COL4A4: variants seen among roughly 807,000 people sequenced by gnomAD.
COL4A4 encodes collagen alpha-4(IV) chain.
Under a neutral mutation model 192.9 loss-of-function variants are expected in COL4A4, and 105 were observed. The ratio of observed to expected loss-of-function variants is 0.54; its 90% confidence interval spans 0.46 to 0.64. The LOEUF (loss-of-function observed/expected upper bound fraction) is 0.64, where lower values mean the gene tolerates loss of function less well. Among genes scored for constraint, COL4A4 ranks in the 30% least tolerant of loss-of-function variants. COL4A4 has a pLI of 0.00. For missense variants in COL4A4, 1,967 were observed against 2,169.3 expected (o/e 0.91, Z 1.85); for synonymous variants, 762 against 769.9 (o/e 0.99, Z 0.17).
At chr2:227,002,537 C>T (rs1961248724), downstream of COL4A4, among the ~76,000 whole-genome samples, 1 of 152,216 alleles carries the variant, frequency 6.6e-6, no homozygotes, top group South Asian at 2.1e-4. Flanking sequence ...CGCGCCATCA[C>T]TGTGCATAGA....
chr2:226,988,248 A>T, the COL4A4 span: 30 of 1,268,478 alleles, frequency 2.4e-5, no homozygotes, highest in Non-Finnish European at 3.1e-5. Flanking sequence ...TGGGAGTAGG[A>T]CTCATATCAG....
chr2:227,125,275 T>C (rs1365272165), intron 4 of COL4A4, among the ~76,000 whole-genome samples: 1 of 152,034 alleles, frequency 6.6e-6, no homozygotes, highest in Non-Finnish European at 1.5e-5. Flanking sequence ...TGGTGTGATC[T>C]CAGCTCACTG....
At chr2:226,974,221 C>T in the COL4A4 span, among the ~76,000 whole-genome samples, 1 of 99,302 alleles carries the variant, frequency 1.0e-5, no homozygotes, top group Non-Finnish European at 2.1e-5. Flanking sequence ...TGGGTGTTGC[C>T]CTTTTTTTAT....
intron 4 of COL4A4, among the ~76,000 whole-genome samples, chr2:227,130,948 C>G (rs1041536982): frequency 1.3e-5 from 2 of 152,118 alleles, no homozygotes; most frequent in Non-Finnish European, 2.9e-5. Context: ...CACTCACCCC[C>G]TCGCTAAGCC....
At chr2:226,985,635 G>A in the COL4A4 span, among the ~76,000 whole-genome samples, 2 of 152,244 alleles carry the variant, frequency 1.3e-5, no homozygotes, top group African/African-American at 2.4e-5. Context: ...GGAGTCACCC[G>A]GGAGCTCATT....
the COL4A4 span, among the ~76,000 whole-genome samples, chr2:226,976,658 T>C: frequency 4.6e-5 from 7 of 152,130 alleles, no homozygotes; most frequent in Non-Finnish European, 8.8e-5. Flanking sequence ...CACATCAGGC[T>C]ATTGTCTCAT....
At position 227,027,922 on chromosome 2, in the gene COL4A4, T is replaced by C; in HGVS notation, c.4061A>G (p.Lys1354Arg). The change falls in exon 42 of 48, where the codon AAA becomes AGA. Residue 1354 changes from lysine to arginine, a missense_variant. Coordinates refer to ENST00000396625, the MANE Select transcript of COL4A4 (RefSeq NM_000092.5). ...EKGLPGPPGR[K>R]GPTGLPGPRG... Reference sequence around the variant, plus strand: ...CTCACCCGGAAGACCAGTGGGCCCTTTTCTCCCTGGAGGTCCAGGTAAACC... The same window carrying C: ...CTCACCCGGAAGACCAGTGGGCCCTCTTCTCCCTGGAGGTCCAGGTAAACC... The C allele has an allele frequency of 6.2e-7, 1 of 1,613,644 alleles. No individual in the cohort carries two copies. Among genetic ancestry groups the C allele is most frequent in the Non-Finnish European group, 8.5e-7 (1 of 1,179,628 alleles).
chr2:227,047,579 C>T (rs149309573), intron 34 of COL4A4, 30 bp from the exon 35 acceptor site: 1 of 1,510,316 alleles, frequency 6.6e-7, no homozygotes. Flanking sequence ...TGTGACATTA[C>T]TTTAGACAAT....
At chr2:227,007,749 G>C (rs774113605) in intron 47 of COL4A4, among the ~76,000 whole-genome samples, 161 bp from the exon 48 acceptor site, 2 of 152,202 alleles carry the variant, frequency 1.3e-5, no homozygotes, top group Non-Finnish European at 2.9e-5. Flanking sequence ...ACTCAGCATG[G>C]TAAGTATGCA....
Position 227,021,825 on chromosome 2 carries a change from A to AAAAAT in COL4A4, c.4216+218_4216+222dup, listed in dbSNP as rs58851340. Among the ~76,000 whole-genome samples, 61,642 of 148,912 alleles carry AAAAAT rather than the reference A, an allele frequency of 0.41. 12,962 individuals carry two copies. Among genetic ancestry groups the AAAAAT allele is most frequent in the South Asian group, 0.54 (2,483 of 4,588 alleles). ...GGGCAACAGAGCAAGACTCCATCTC[A>AAAAAT]AAAATAAAATAAAATAAAATAAAAT... is the stretch of plus-strand genomic sequence containing the variant. On this transcript the variant is annotated intron_variant, in intron 44 of 47. Transcript: ENST00000396625.
rs187752868 is a variant in COL4A4, at chr2:227,003,503, A to T, written c.*3822T>A. 6.6e-6 allele frequency: 1 copy of T among 152,318 alleles called. No individual in the cohort carries two copies. Among genetic ancestry groups the T allele is most frequent in the East Asian group, 1.9e-4 (1 of 5,184 alleles). 9.4% of individuals were successfully genotyped at this position (152,318 alleles called of 1,614,324 possible). On this transcript the variant is annotated 3_prime_UTR_variant, in exon 48 of 48. Transcript: ENST00000396625. Reference sequence around the variant, plus strand: ...CTATTCTTGCAGCCATACCAAGTAAAAGTAACAATTATCAGATTATTCCAG... The same window carrying T: ...CTATTCTTGCAGCCATACCAAGTAATAGTAACAATTATCAGATTATTCCAG...
intron 44 of COL4A4, among the ~76,000 whole-genome samples, chr2:227,019,292 A>T (rs1483386827): frequency 6.6e-6 from 1 of 152,200 alleles, no homozygotes; most frequent in African/African-American, 2.4e-5. Context: ...ATCTTTAAGG[A>T]GTGCATTCAT....
intron 1 of COL4A4, among the ~76,000 whole-genome samples, chr2:227,149,366 G>C (rs904496258): frequency 1.2e-4 from 18 of 152,212 alleles, no homozygotes; most frequent in Non-Finnish European, 2.4e-4. Flanking sequence ...GTGCCTAAGG[G>C]AGAGAATTCA....
the COL4A4 span, among the ~76,000 whole-genome samples, chr2:226,982,427 A>G: frequency 6.6e-6 from 1 of 152,244 alleles, no homozygotes; most frequent in Non-Finnish European, 1.5e-5. Flanking sequence ...CTGTAGTTAT[A>G]TACTAATCAG....
intron 12 of COL4A4, among the ~76,000 whole-genome samples, chr2:227,106,771 C>T (rs1312764280): frequency 6.6e-6 from 1 of 152,092 alleles, no homozygotes; most frequent in Non-Finnish European, 1.5e-5. Context: ...TCGCCATGTT[C>T]GCCAGGCTGG....
At chr2:226,983,532 C>T in the COL4A4 span, among the ~76,000 whole-genome samples, 1 of 152,288 alleles carries the variant, frequency 6.6e-6, no homozygotes, top group African/African-American at 2.4e-5. Flanking sequence ...CCAGGGTGAC[C>T]TAAACTTGAC....
rs773062572 is a variant in COL4A4, at chr2:227,144,466, T to A, written c.114+50A>T. On this transcript the variant is annotated intron_variant, in intron 3 of 47. Coordinates refer to ENST00000396625, the MANE Select transcript of COL4A4 (RefSeq NM_000092.5). ...TGAAAGTATAACAAAAATTATGCAT[T>A]CTATAAAGTGAATTTTCACAACGCA... The A allele has an allele frequency of 7.3e-6, 11 of 1,506,860 alleles. 1 individual carries two copies. The highest frequency in any genetic ancestry group is 9.2e-6 in the Non-Finnish European group (10 of 1,084,732). The allele number at this position is 1,506,860 out of a possible 1,614,324, so 93.3% of individuals were successfully genotyped here. A position where few individuals can be genotyped will look rare whatever the true frequency, so the allele number is the denominator to read the frequency against.
intron 17 of COL4A4, among the ~76,000 whole-genome samples, chr2:227,100,961 C>T (rs749217227): frequency 1.8e-4 from 27 of 151,966 alleles, no homozygotes; most frequent in Non-Finnish European, 2.4e-4. Context: ...CCCACCACCA[C>T]GCCTGGCTAA....
rs1042579190 is a variant in COL4A4, at chr2:227,111,912, C to G, written c.559-199G>C. Among the ~76,000 whole-genome samples, 3 of 152,084 alleles carry G rather than the reference C, an allele frequency of 2.0e-5. No homozygotes were observed. The East Asian group carries it at 5.8e-4, about 29-fold the overall frequency. On this transcript the variant is annotated intron_variant, in intron 8 of 47. Coordinates refer to ENST00000396625, the MANE Select transcript of COL4A4 (RefSeq NM_000092.5). ...CTTAAGCTCTGAATTCTCCTTCTACCCAACAGAGAAAGGTCGCTGAAGTAA... is the reference window on the plus strand; with the variant it reads ...CTTAAGCTCTGAATTCTCCTTCTACGCAACAGAGAAAGGTCGCTGAAGTAA...
Sources: gnomAD v4.1 joint callset for allele counts (sites outside exome capture counted in the v4.1 genomes callset) on GRCh38, gnomAD v4.1.1 for gene constraint, MANE v1.5 for transcripts, NCBI Gene and HGNC (gene_info 2026-07-23, HGNC 2026-07-21) for gene names.